ARFGEF3: variants seen among roughly 807,000 people sequenced by gnomAD.
ARFGEF3 encodes the protein ARFGEF family member 3.
Under a neutral mutation model 221.7 loss-of-function variants are expected in ARFGEF3, and 96 were observed. That is an observed-to-expected ratio of 0.43 (90% confidence interval 0.37 to 0.51). The LOEUF is 0.51. Among genes scored for constraint, ARFGEF3 ranks in the 20% least tolerant of loss-of-function variants. The pLI, the probability that ARFGEF3 is intolerant of heterozygous loss-of-function variation, is 0.00. For synonymous variants in ARFGEF3, 1,145 were observed against 1,126.8 expected (o/e 1.02, Z -0.32); for missense variants, 2,410 against 2,789.9 (o/e 0.86, Z 3.07).
rs1003505046 is a variant in ARFGEF3 at position 138,209,901 on chromosome 6, T to C, written c.220-9T>C. The C allele has an allele frequency of 1.9e-6, 3 of 1,613,302 alleles. No homozygotes were observed. Among genetic ancestry groups the C allele is most frequent in the Non-Finnish European group, 2.5e-6 (3 of 1,179,488 alleles). On this transcript the variant is annotated splice_polypyrimidine_tract_variant and intron_variant, in intron 3 of 33. Transcript: ENST00000251691. ...CTATCTGTGATCACTGCCTTGTGCC[T>C]CTTTACAGAAGCTTCTGTCGGAAGA...
At chr6:138,293,128 T>A (rs1779444652) in intron 19 of ARFGEF3, among the ~76,000 whole-genome samples, 1 of 152,206 alleles carries the variant, frequency 6.6e-6, no homozygotes, top group South Asian at 2.1e-4. Context: ...ATGATTCCAT[T>A]TCTATTAGAG....
chr6:138,247,850 C>T (rs573556344), intron 8 of ARFGEF3, among the ~76,000 whole-genome samples: 1 of 152,352 alleles, frequency 6.6e-6, no homozygotes, highest in South Asian at 2.1e-4. Flanking sequence ...GAATGCCCAT[C>T]AGCCAAAGAG....
intron 2 of ARFGEF3, among the ~76,000 whole-genome samples, chr6:138,198,421 A>G (rs1309262594): frequency 6.6e-6 from 1 of 152,262 alleles, no homozygotes; most frequent in African/African-American, 2.4e-5. Flanking sequence ...GAAACATTTT[A>G]ACTGCACTGT....
At chr6:138,212,223 T>C (rs573873634) in intron 4 of ARFGEF3, among the ~76,000 whole-genome samples, 2 of 152,360 alleles carry the variant, frequency 1.3e-5, no homozygotes, top group South Asian at 4.1e-4. Flanking sequence ...AGCCACTGTT[T>C]ACATTTTTCA....
chr6:138,230,638 T>A (rs76322729), intron 5 of ARFGEF3, among the ~76,000 whole-genome samples: 1,653 of 152,324 alleles, frequency 0.011, 28 homozygotes, highest in African/African-American at 0.037. Context: ...ATGTGCTTTT[T>A]ATGGTATCAT....
Position 138,294,859 on chromosome 6 carries a change from C to T in ARFGEF3, c.3502+733C>T, listed in dbSNP as rs543144095. On this transcript the variant is annotated intron_variant, in intron 20 of 33. Transcript: ENST00000251691. ...CGGGAGCCATGTGCTGGGGATGCAC[C>T]TTAGTGACATGTTGGACTGCATAAC... Among the ~76,000 whole-genome samples, 3 of 152,184 alleles carry T rather than the reference C, an allele frequency of 2.0e-5. 1 individual carries two copies. The highest frequency in any genetic ancestry group is 7.2e-5 in the African/African-American group (3 of 41,430).
At chr6:138,316,804 C>CAGTAGTG (rs2114673605) in intron 26 of ARFGEF3, among the ~76,000 whole-genome samples, 1 of 152,316 alleles carries the variant, frequency 6.6e-6, no homozygotes, top group Non-Finnish European at 1.5e-5. Context: ...GTGATAGTCG[C>CAGTAGTG]ACAACATTGT....
rs760340245 is a variant in ARFGEF3 at position 138,255,479 on chromosome 6, A to G, written c.814A>G (p.Ile272Val). Residue 272 changes from isoleucine to valine, a missense_variant, in exon 10 of 34, where the codon ATT (isoleucine) becomes GTT (valine). By Grantham distance (29) the Ile-to-Val change is conservative (BLOSUM62 3). Around this residue, in one of 5 missense-constraint regions of ARFGEF3, gnomAD observed 570 missense variants for 586.9 expected, o/e 0.97. Transcript: ENST00000251691. The part of the protein sequence containing the change: ...PALIVILGNP[I>V]HDKTITSAHT... ...TCTCATCGTGATCTTGGGGAATCCA[A>G]TTCATGACAAAACCATCACCTCTGC... 4 of 1,612,266 alleles carry G rather than the reference A, an allele frequency of 2.5e-6. No individual in the cohort carries two copies. The highest frequency in any genetic ancestry group is 1.1e-5 in the South Asian group (1 of 91,020).
chr6:138,215,730 G>A (rs1159131448), intron 4 of ARFGEF3, among the ~76,000 whole-genome samples: 1 of 151,988 alleles, frequency 6.6e-6, no homozygotes, highest in Non-Finnish European at 1.5e-5. Context: ...AGTCCTGTGT[G>A]GTTTCTGTGT....
chr6:138,181,783 G>A (rs1234555013), intron 2 of ARFGEF3, among the ~76,000 whole-genome samples: 3 of 152,184 alleles, frequency 2.0e-5, no homozygotes, highest in African/African-American at 7.2e-5. Flanking sequence ...GATTTTTGCT[G>A]TGTGCATTAT....
At position 138,280,914 on chromosome 6, in the gene ARFGEF3, T is replaced by TGTACCAGAATTAATAATAATGCC. The variant is rs553386639; in HGVS notation, c.2461+751_2461+773dup. ...AGAGGCCCTCCCTTCCCTTCCCAGC[T>TGTACCAGAATTAATAATAATGCC]GTACCAGAATTAATAATAATGCCAA... On this transcript the variant is annotated intron_variant, in intron 14 of 33. Transcript: ENST00000251691. 9.2e-3 allele frequency among the ~76,000 whole-genome samples: 1,396 copies of TGTACCAGAATTAATAATAATGCC among 152,304 alleles called. 8 individuals carry two copies. The highest frequency in any genetic ancestry group is 0.014 in the Non-Finnish European group (965 of 68,010).
intron 32 of ARFGEF3, among the ~76,000 whole-genome samples, chr6:138,329,578 C>T (rs538431842): frequency 2.6e-5 from 4 of 152,284 alleles, no homozygotes; most frequent in Non-Finnish European, 5.9e-5. Flanking sequence ...GCAGGAGAAT[C>T]GCTTGAACCC....
chr6:138,307,461 TA>T (rs34359396), intron 23 of ARFGEF3, 64 bp downstream of exon 23: 46,249 of 1,207,342 alleles, frequency 0.038, 218 homozygotes, highest in Admixed American at 0.11. Context: ...TTCATGCTAT[TA>T]AAAAAAAAAA....
intron 22 of ARFGEF3, among the ~76,000 whole-genome samples, chr6:138,299,266 T>C (rs1583056251): frequency 3.4e-5 from 5 of 147,480 alleles, no homozygotes; most frequent in Admixed American, 2.1e-4. Context: ...AATCAGTGAT[T>C]GGTGGAGCTG....
At chr6:138,275,095 A>G (rs1347230108) in intron 12 of ARFGEF3, among the ~76,000 whole-genome samples, 2 of 152,130 alleles carry the variant, frequency 1.3e-5, no homozygotes, top group African/African-American at 4.8e-5. Context: ...CAACAAGAGC[A>G]AGACTCCATC....
intron 22 of ARFGEF3, among the ~76,000 whole-genome samples, chr6:138,306,929 A>G (rs1779736313): frequency 6.6e-6 from 1 of 150,446 alleles, no homozygotes; most frequent in African/African-American, 2.4e-5. Flanking sequence ...TGCAAATTAT[A>G]TCTTGGGAAT....
rs374217839 is a variant in ARFGEF3 at position 138,266,291 on chromosome 6, GAGGGC to G, written c.2128+2697_2128+2701del. ...GAAAGGAAGGGAAGGGAAGGCAAGG[GAGGGC>G]AGGGCAGGGCAGGGCAAGGCAAGGC... On this transcript the variant is annotated intron_variant, in intron 12 of 33. Coordinates refer to ENST00000251691, the MANE Select transcript of ARFGEF3 (RefSeq NM_020340.5). Among the ~76,000 whole-genome samples, 94 of 151,870 alleles carry G rather than the reference GAGGGC, an allele frequency of 6.2e-4. 1 individual carries two copies. The highest frequency in any genetic ancestry group is 1.7e-3 in the African/African-American group (72 of 41,410).
At position 138,313,942 on chromosome 6, in the gene ARFGEF3, A is replaced by G; in HGVS notation, c.4345+3A>G. On this transcript the variant is annotated splice_donor_region_variant and intron_variant, in intron 26 of 33. Coordinates refer to ENST00000251691, the MANE Select transcript of ARFGEF3 (RefSeq NM_020340.5). ...GTCTGATTTTGATGATGACACCGGT[A>G]AGCTAATTGATTGGACTAAACTAGG... is the stretch of plus-strand genomic sequence containing the variant. The G allele has an allele frequency of 3.7e-6, 6 of 1,613,482 alleles. No homozygotes were observed. The highest frequency in any genetic ancestry group is 5.1e-6 in the Non-Finnish European group (6 of 1,179,638).
At chr6:138,179,404 A>G (rs762352789) in intron 2 of ARFGEF3, among the ~76,000 whole-genome samples, 13 of 152,156 alleles carry the variant, frequency 8.5e-5, no homozygotes, top group African/African-American at 3.1e-4. Context: ...TTCAGAGCCA[A>G]CCTCAGCCTA....
Sources: allele counts gnomAD v4.1 joint callset (sites outside exome capture counted in the v4.1 genomes callset), GRCh38; gene constraint gnomAD v4.1.1; regional missense constraint gnomAD v4.1.1; transcripts MANE v1.5; gene names NCBI Gene and HGNC (gene_info 2026-07-23, HGNC 2026-07-21).